The following C6orf118 variants were observed in gnomAD, a reference collection of about 807,000 sequenced individuals.
C6orf118 encodes chromosome 6 open reading frame 118, also known as uncharacterized protein C6orf118.
In C6orf118, 50 loss-of-function variants were observed where a neutral mutation model predicts 50.2. The observed-to-expected ratio is 1.00, with a 90% CI of 0.79 to 1.26. The LOEUF is 1.26. Ranked by LOEUF, C6orf118 falls within the 50% of genes most tolerant of loss-of-function variation. The pLI, the probability that C6orf118 is intolerant of heterozygous loss-of-function variation, is 0.00. For synonymous variants in C6orf118, 239 were observed against 230.9 expected (o/e 1.03, Z -0.32); for missense variants, 641 against 578.7 (o/e 1.11, Z -1.10).
chr6:165,306,397 C>A (rs1309937903), intron 1 of C6orf118, among the ~76,000 whole-genome samples: 1 of 124,956 alleles, frequency 8.0e-6, no homozygotes, highest in African/African-American at 3.1e-5. Flanking sequence ...GTGGGTGCAG[C>A]GCACCAGCAT....
Position 165,300,578 on chromosome 6 carries a change from A to G in C6orf118, c.754-92T>C, listed in dbSNP as rs1780490302. 4 of 1,292,084 alleles carry G rather than the reference A, an allele frequency of 3.1e-6. No individual in the cohort carries two copies. The East Asian group carries it at 9.8e-5, about 32-fold the overall frequency. 80.0% of individuals were successfully genotyped at this position (1,292,084 alleles called of 1,614,324 possible). Reference sequence around the variant, plus strand: ...AGGAGTCAGTGAGGACACAGCTGCCATCACCCTGGCGAGTGGGCGGGGCGG... The same window carrying G: ...AGGAGTCAGTGAGGACACAGCTGCCGTCACCCTGGCGAGTGGGCGGGGCGG... On this transcript the variant is annotated intron_variant, in intron 2 of 8. Coordinates refer to ENST00000230301, the MANE Select transcript of C6orf118 (RefSeq NM_144980.4).
chr6:165,305,103 T>C lies in C6orf118; in HGVS notation c.26-2807A>G, dbSNP rs1354946736. Among the ~76,000 whole-genome samples, 59 of 66,814 alleles carry C rather than the reference T, an allele frequency of 8.8e-4. No individual in the cohort carries two copies. In the East Asian group the frequency reaches 0.018, roughly 20 times the overall value. The allele number at this position is 66,814 out of a possible 152,430, so 43.8% of individuals were successfully genotyped here. A position where few individuals can be genotyped will look rare whatever the true frequency, so the allele number is the denominator to read the frequency against. ...CAAGGCTACAGTAACCAAAACAGCA[T>C]GGTACTGGTACCAAAACAGAGATAT... On this transcript the variant is annotated intron_variant, in intron 1 of 8. Transcript: ENST00000230301.
chr6:165,279,953 G>A lies in C6orf118; in HGVS notation c.*104C>T. ...AATTTTACTAGAGATTAAAGCTGAT[G>A]AAATGAAATGTATCTTTATGAATGT... On this transcript the variant is annotated 3_prime_UTR_variant, in exon 9 of 9. Transcript: ENST00000230301. The A allele has an allele frequency of 8.5e-7, 1 of 1,176,972 alleles. No individual in the cohort carries two copies. The highest frequency in any genetic ancestry group is 2.7e-5 in the Admixed American group (1 of 37,278). The allele number at this position is 1,176,972 out of a possible 1,614,324, so 72.9% of individuals were successfully genotyped here.
chr6:165,307,379 C>G (rs1373364051), intron 1 of C6orf118, among the ~76,000 whole-genome samples: 1 of 151,158 alleles, frequency 6.6e-6, no homozygotes, highest in Non-Finnish European at 1.5e-5. Flanking sequence ...GCCAACCTGG[C>G]AAAACCTTGT....
At chr6:165,293,496 G>A (rs752876153) in intron 5 of C6orf118, 25 bp from the exon 6 acceptor site, 1 of 1,586,562 alleles carries the variant, frequency 6.3e-7, no homozygotes, top group Non-Finnish European at 8.6e-7. Flanking sequence ...TAAACAATAG[G>A]GAAATATTAG....
intron 7 of C6orf118, among the ~76,000 whole-genome samples, chr6:165,282,647 C>CTTTTT (rs3079844): frequency 0.067 from 9,391 of 141,066 alleles, 441 homozygotes; most frequent in Non-Finnish European, 0.093. Context: ...ACATTCAGCT[C>CTTTTT]TTTTTTTTTT....
At chr6:165,301,547 A>G (rs1780536358) in intron 2 of C6orf118, 22 bp downstream of exon 2, 1 of 1,590,766 alleles carries the variant, frequency 6.3e-7, no homozygotes. Flanking sequence ...CCCTGAGACC[A>G]CCGCAGGGCT....
chr6:165,291,023 A>G (rs1394563422), intron 6 of C6orf118, among the ~76,000 whole-genome samples: 1 of 152,152 alleles, frequency 6.6e-6, no homozygotes, highest in East Asian at 1.9e-4. Flanking sequence ...AAACCATCAG[A>G]TCTGGTGAAA....
At chr6:165,293,107 T>C (rs1323589917) in intron 6 of C6orf118, 2 of 294,292 alleles carry the variant, frequency 6.8e-6, no homozygotes, top group Non-Finnish European at 6.5e-6. Flanking sequence ...AATTTTAATA[T>C]CTATTTTGTA....
chr6:165,296,750 G>A (rs1583016791), intron 5 of C6orf118, among the ~76,000 whole-genome samples: 1 of 152,186 alleles, frequency 6.6e-6, no homozygotes, highest in African/African-American at 2.4e-5. Flanking sequence ...GAGGTACGCT[G>A]CCTTCTTTTC....
chr6:165,286,957 G>C (rs1041352850), intron 7 of C6orf118, among the ~76,000 whole-genome samples: 17 of 152,178 alleles, frequency 1.1e-4, no homozygotes, highest in South Asian at 4.1e-4. Context: ...AGAAATAAAG[G>C]GTATTGAAAT....
At position 165,302,168 on chromosome 6, in the gene C6orf118, G is replaced by T. The variant is rs1450545344; in HGVS notation, c.154C>A (p.His52Asn). Residue 52 changes from histidine to asparagine, a missense_variant, in exon 2 of 9, where the codon CAC becomes AAC. By Grantham distance (68) the His-to-Asn change is moderately conservative. Transcript: ENST00000230301. ...ATGTAGAGGTAGACGTCCTCCCGGT[G>T]GTCTTTCTGAAGCCGATTCAGAAGT... ...KKLLNRLQKD[H>N]REDVYLYISG... 5.6e-6 allele frequency: 9 copies of T among 1,614,140 alleles called. No homozygotes were observed. Among genetic ancestry groups the T allele is most frequent in the Non-Finnish European group, 7.6e-6 (9 of 1,180,028 alleles).
chr6:165,302,246 T>C lies in C6orf118; in HGVS notation c.76A>G (p.Asn26Asp). 6.2e-7 allele frequency: 1 copy of C among 1,614,102 alleles called. No individual in the cohort carries two copies. The highest frequency in any genetic ancestry group is 1.1e-5 in the South Asian group (1 of 91,080). ...CETPGVKTLC[N>D]LKHCETPGVK... ...CCTGGCGTCTCGCAGTGCTTCAGAT[T>C]ACACAGGGTCTTCACGCCTGGCGTC... The change falls in exon 2 of 9, where the codon AAT becomes GAT. Residue 26 changes from asparagine (N) to aspartate (D), a missense_variant. Asn to Asp is a conservative substitution (Grantham distance 23, BLOSUM62 1). Transcript: ENST00000230301.
rs770397219 is a variant in C6orf118 at position 165,297,992 on chromosome 6, A to G, written c.1046T>C (p.Leu349Pro). Reference sequence around the variant, plus strand: ...CATGCCTCACCTATCATTCTGCTCCAGGGCTGCTTTTGTGGCTGTCACGAG... The same window carrying G: ...CATGCCTCACCTATCATTCTGCTCCGGGGCTGCTTTTGTGGCTGTCACGAG... ...RMLVTATKAA[L>P]EQNDRLRSEL... Residue 349 changes from leucine (L) to proline (P), a missense_variant, in exon 5 of 9, where the codon CTG becomes CCG. Transcript: ENST00000230301. 2 of 1,613,978 alleles carry G rather than the reference A, an allele frequency of 1.2e-6. No homozygotes were observed. Among genetic ancestry groups the G allele is most frequent in the Non-Finnish European group, 1.7e-6 (2 of 1,180,038 alleles).
At position 165,309,481 on chromosome 6, in the gene C6orf118, C is replaced by G. The variant is rs868867391; in HGVS notation, c.25+81G>C. Reference sequence around the variant, plus strand: ...AGAAAAAGATTTTCACATTTCAAATCAGTCTTCAGAAGCCCATCCCTCCAC... The same window carrying G: ...AGAAAAAGATTTTCACATTTCAAATGAGTCTTCAGAAGCCCATCCCTCCAC... On this transcript the variant is annotated intron_variant, in intron 1 of 8. Coordinates refer to ENST00000230301, the MANE Select transcript of C6orf118 (RefSeq NM_144980.4). The G allele has an allele frequency of 5.2e-5, 79 of 1,521,930 alleles. No homozygotes were observed. The Middle Eastern group carries it at 1.0e-3, about 20-fold the overall frequency. The allele number at this position is 1,521,930 out of a possible 1,614,324, so 94.3% of individuals were successfully genotyped here. A position where few individuals can be genotyped will look rare whatever the true frequency, so the allele number is the denominator to read the frequency against.
At position 165,302,051 on chromosome 6, in the gene C6orf118, C is replaced by A. The variant is rs140022567; in HGVS notation, c.271G>T (p.Ala91Ser). ...GCGGGCGGCTCTCCCACCTCAGAGG[C>A]GCGCTCCCCCTTGGGCCGGTGGGCA... ...PNAHRPKGER[A>S]SEVGEPPAGK... Residue 91 changes from alanine to serine, a missense_variant, in exon 2 of 9, where the codon GCC (alanine) becomes TCC (serine). Coordinates refer to ENST00000230301, the MANE Select transcript of C6orf118 (RefSeq NM_144980.4). The A allele has an allele frequency of 6.2e-7, 1 of 1,613,518 alleles. No individual in the cohort carries two copies. Among genetic ancestry groups the A allele is most frequent in the African/African-American group, 1.3e-5 (1 of 74,894 alleles).
chr6:165,291,401 C>T (rs1780101436), intron 6 of C6orf118, among the ~76,000 whole-genome samples: 1 of 152,100 alleles, frequency 6.6e-6, no homozygotes, highest in Non-Finnish European at 1.5e-5. Flanking sequence ...TCAATCCCAC[C>T]TTGGCCACTT....
chr6:165,304,820 A>C (rs1780667027), intron 1 of C6orf118, among the ~76,000 whole-genome samples: 1 of 38,274 alleles, frequency 2.6e-5, no homozygotes, highest in Non-Finnish European at 4.3e-5. Flanking sequence ...AGGAAATAAA[A>C]GAGGACACAA....
intron 4 of C6orf118, among the ~76,000 whole-genome samples, chr6:165,299,102 A>C (rs1780418918): frequency 6.6e-6 from 1 of 152,240 alleles, no homozygotes; most frequent in Non-Finnish European, 1.5e-5. Flanking sequence ...ACAGCACACC[A>C]GCCATCACAA....
Sources: gnomAD v4.1 joint callset for allele counts (sites outside exome capture counted in the v4.1 genomes callset) on GRCh38, gnomAD v4.1.1 for gene constraint, MANE v1.5 for transcripts, NCBI Gene and HGNC (gene_info 2026-07-23, HGNC 2026-07-21) for gene names.